DPP6: variants seen among roughly 807,000 people sequenced by gnomAD.
The protein encoded by DPP6 is dipeptidyl peptidase like 6, also known as A-type potassium channel modulatory protein DPP6.
DPP6 carries 69 observed loss-of-function variants against 122.6 expected under a neutral mutation model. The ratio of observed to expected loss-of-function variants is 0.56; its 90% confidence interval spans 0.46 to 0.69. DPP6 has a LOEUF of 0.69. Ranked by LOEUF, DPP6 falls within the 30% of genes least tolerant of loss-of-function variation. The pLI, the probability that DPP6 is intolerant of heterozygous loss-of-function variation, is 0.00. For synonymous variants in DPP6, 418 were observed against 433.1 expected (o/e 0.97, Z 0.43); for missense variants, 928 against 1,116.9 (o/e 0.83, Z 2.41).
chr7:154,008,224 A>G (rs569663461), intron 1 of DPP6, among the ~76,000 whole-genome samples: 1 of 152,286 alleles, frequency 6.6e-6, no homozygotes, highest in African/African-American at 2.4e-5. Context: ...AAAAGTCCAC[A>G]CCCCTGAGAA....
rs1229365674 is a variant in DPP6 at position 154,152,298 on chromosome 7, C to T, written c.243+99235C>T. On this transcript the variant is annotated intron_variant, in intron 1 of 25. Transcript: ENST00000377770. ...CTGTCCAGCACATGAACCAGGGGTA[C>T]AGGGATGGGGTGCGACCAGCAGCTA... Among the ~76,000 whole-genome samples the T allele has an allele frequency of 5.3e-5, 8 of 152,174 alleles. No homozygotes were observed. In the South Asian group the frequency reaches 1.0e-3, roughly 20 times the overall value.
intron 6 of DPP6, among the ~76,000 whole-genome samples, chr7:154,644,984 T>C (rs1353992803): frequency 6.6e-6 from 1 of 151,950 alleles, no homozygotes; most frequent in Non-Finnish European, 1.5e-5. Context: ...AAAATGGCAT[T>C]TTATGTGTCT....
At chr7:154,614,654 C>T (rs796810163) in intron 5 of DPP6, among the ~76,000 whole-genome samples, 2 of 152,294 alleles carry the variant, frequency 1.3e-5, no homozygotes, top group African/African-American at 4.8e-5. Flanking sequence ...TCAGTAGAAA[C>T]TTCAAGTTTA....
chr7:153,901,414 G>T (rs1001818185), intron 1 of DPP6, among the ~76,000 whole-genome samples: 2 of 152,186 alleles, frequency 1.3e-5, no homozygotes. Flanking sequence ...TGCGGATAAA[G>T]GTCGAAACCC....
At chr7:154,727,686 A>G in intron 7 of DPP6, 81 bp from the exon 8 acceptor site, 2 of 1,474,666 alleles carry the variant, frequency 1.4e-6, no homozygotes, top group East Asian at 5.0e-5. Flanking sequence ...AACCCGGTTG[A>G]TGATTTCAGA....
intron 1 of DPP6, among the ~76,000 whole-genome samples, chr7:153,904,218 AT>A (rs1799753539): frequency 6.6e-6 from 1 of 151,990 alleles, no homozygotes; most frequent in Non-Finnish European, 1.5e-5. Context: ...TGCCTGGCTA[AT>A]TTTTGTATTC....
intron 1 of DPP6, among the ~76,000 whole-genome samples, chr7:154,316,445 G>C (rs942531262): frequency 6.6e-6 from 1 of 152,120 alleles, no homozygotes; most frequent in African/African-American, 2.4e-5. Flanking sequence ...GCCCTTTTTT[G>C]TTGTTGAAAC....
chr7:154,345,271 G>A (rs1279137824), intron 1 of DPP6, among the ~76,000 whole-genome samples: 2 of 152,054 alleles, frequency 1.3e-5, no homozygotes, highest in Non-Finnish European at 2.9e-5. Context: ...CATGGTGAGG[G>A]CCTCACCCTC....
chr7:153,767,918 G>C, the DPP6 span, among the ~76,000 whole-genome samples: 1 of 152,142 alleles, frequency 6.6e-6, no homozygotes, highest in African/African-American at 2.4e-5. Flanking sequence ...CACCTGGGTG[G>C]TGAAGAAAGT....
rs996941693 is a variant in DPP6, at chr7:154,590,435, C to A, written c.627+23519C>A. 8.6e-5 allele frequency among the ~76,000 whole-genome samples: 13 copies of A among 150,866 alleles called. No homozygotes were observed. The South Asian group carries it at 2.3e-3, about 27-fold the overall frequency. On this transcript the variant is annotated intron_variant, in intron 5 of 25. Coordinates refer to ENST00000377770, the MANE Select transcript of DPP6 (RefSeq NM_130797.4). ...CCTCTCAGTATTGTAACATTTAATG[C>A]GTTCTCAGCAGCGGGTAGGTCCGTG...
At chr7:154,852,525 C>T (rs1315863372) in intron 16 of DPP6, among the ~76,000 whole-genome samples, 1 of 152,126 alleles carries the variant, frequency 6.6e-6, no homozygotes, top group Non-Finnish European at 1.5e-5. Context: ...CCTCCCTCTC[C>T]TCCCTCTCCT....
intron 17 of DPP6, among the ~76,000 whole-genome samples, chr7:154,866,055 G>A (rs1171596400): frequency 2.0e-5 from 3 of 152,222 alleles, no homozygotes; most frequent in African/African-American, 7.2e-5. Context: ...ACAGGTGCCT[G>A]AGATAGGGTG....
chr7:154,880,983 A>G lies in DPP6; in HGVS notation c.2133+41A>G, dbSNP rs911526425. 3.1e-6 allele frequency: 5 copies of G among 1,611,204 alleles called. No individual in the cohort carries two copies. The South Asian group carries it at 4.4e-5, about 14-fold the overall frequency. On this transcript the variant is annotated intron_variant, in intron 21 of 25. Coordinates refer to ENST00000377770, the MANE Select transcript of DPP6 (RefSeq NM_130797.4). ...CCTGGTCTGAAAACCCCTCAGTTCC[A>G]GTGTGGCCTGCACCATTACCCACGT... is the stretch of plus-strand genomic sequence containing the variant.
rs181862569 is a variant in DPP6, at chr7:154,327,714, G to A, written c.244-118500G>A. Among the ~76,000 whole-genome samples the A allele has an allele frequency of 1.2e-3, 179 of 152,194 alleles. 1 individual carries two copies. Among genetic ancestry groups the A allele is most frequent in the African/African-American group, 4.1e-3 (172 of 41,522 alleles). On this transcript the variant is annotated intron_variant, in intron 1 of 25. Transcript: ENST00000377770. ...TACATTGCCGGGGAAAATGGAAAAA[G>A]CAAAAGAAATAATGGGATATAAAAA...
At chr7:154,167,350 T>C (rs1330440057) in intron 1 of DPP6, among the ~76,000 whole-genome samples, 1 of 152,204 alleles carries the variant, frequency 6.6e-6, no homozygotes, top group Non-Finnish European at 1.5e-5. Flanking sequence ...AGGAAGCCAC[T>C]CAGATTAGTG....
At chr7:154,882,835 T>C (rs1025069291) in intron 21 of DPP6, among the ~76,000 whole-genome samples, 5 of 152,352 alleles carry the variant, frequency 3.3e-5, no homozygotes, top group Admixed American at 3.3e-4. Context: ...GAAAATCTTC[T>C]TTCATTGTCA....
intron 7 of DPP6, among the ~76,000 whole-genome samples, chr7:154,712,820 C>A (rs1408298027): frequency 2.0e-5 from 3 of 152,178 alleles, no homozygotes; most frequent in Admixed American, 6.5e-5. Context: ...CAAACCATAT[C>A]ATTCTGCCTC....
chr7:154,441,827 A>G (rs1819402944), intron 1 of DPP6, among the ~76,000 whole-genome samples: 1 of 152,238 alleles, frequency 6.6e-6, no homozygotes. Flanking sequence ...ACAAAAGTCA[A>G]GCTGTAATCA....
chr7:154,842,243 C>T (rs1801611981), intron 16 of DPP6, among the ~76,000 whole-genome samples: 1 of 152,190 alleles, frequency 6.6e-6, no homozygotes. Flanking sequence ...GCCAGCCAGG[C>T]TGTTTGAATC....
Sources: gnomAD v4.1 joint callset for allele counts (sites outside exome capture counted in the v4.1 genomes callset) on GRCh38, gnomAD v4.1.1 for gene constraint, MANE v1.5 for transcripts, NCBI Gene and HGNC (gene_info 2026-07-23, HGNC 2026-07-21) for gene names.